TOPAZ1: variants seen among roughly 807,000 people sequenced by gnomAD.
TOPAZ1 encodes testis and ovary specific TOPAZ 1, also known as protein TOPAZ1.
A neutral mutation model predicts 172.2 loss-of-function variants in TOPAZ1; 66 were observed. The observed-to-expected ratio is 0.38, with a 90% CI of 0.31 to 0.47. TOPAZ1 has a LOEUF of 0.47. TOPAZ1 is among the 20% of genes least tolerant of loss of function. TOPAZ1 has a pLI of 0.99. For synonymous variants in TOPAZ1, 681 were observed against 683.9 expected (o/e 1.00, Z 0.07); for missense variants, 1,822 against 1,972.4 (o/e 0.92, Z 1.44).
chr3:44,314,299 G>A (rs1285343830), intron 16 of TOPAZ1, among the ~76,000 whole-genome samples: 3 of 152,050 alleles, frequency 2.0e-5, no homozygotes, highest in African/African-American at 4.8e-5. Flanking sequence ...GCCTGTTTAT[G>A]TTCTTGGTCT....
intron 11 of TOPAZ1, among the ~76,000 whole-genome samples, chr3:44,290,030 T>C (rs1312945473): frequency 6.6e-6 from 1 of 152,100 alleles, no homozygotes; most frequent in South Asian, 2.1e-4. Context: ...TTTGAAGTAT[T>C]ATGGAGGTAT....
Position 44,250,172 on chromosome 3 carries a change from A to C in TOPAZ1, c.2766-4796A>C, listed in dbSNP as rs1699613530. The stretch of plus-strand genomic sequence containing the variant: ...ACTTACTTTCTCAGAGTCTGACTTA[A>C]TCCCAGTTTGTTCCCCAAGAGAGGA... On this transcript the variant is annotated intron_variant, in intron 2 of 19. Transcript: ENST00000309765. Among the ~76,000 whole-genome samples the C allele has an allele frequency of 6.7e-5, 10 of 149,230 alleles. No homozygotes were observed. In the Admixed American group the frequency reaches 6.8e-4, roughly 10 times the overall value.
intron 5 of TOPAZ1, among the ~76,000 whole-genome samples, chr3:44,262,860 A>G (rs1455168784): frequency 6.6e-6 from 1 of 152,258 alleles, no homozygotes; most frequent in East Asian, 1.9e-4. Context: ...ACCCACTGGA[A>G]CATATAAAAC....
intron 5 of TOPAZ1, among the ~76,000 whole-genome samples, 194 bp from the exon 6 acceptor site, chr3:44,266,803 C>T (rs776070373): frequency 6.6e-6 from 1 of 151,934 alleles, no homozygotes; most frequent in South Asian, 2.1e-4. Flanking sequence ...GACACAGAGA[C>T]GTAAGTGAGC....
chr3:44,321,213 C>G (rs1422701778), intron 17 of TOPAZ1, 22 bp downstream of exon 17: 1 of 1,510,756 alleles, frequency 6.6e-7, no homozygotes, highest in Admixed American at 2.2e-5. Flanking sequence ...AAAAGTCTAT[C>G]TTAATTATCT....
At chr3:44,321,805 T>G (rs1368410505) in intron 17 of TOPAZ1, among the ~76,000 whole-genome samples, 1 of 152,210 alleles carries the variant, frequency 6.6e-6, no homozygotes, top group Non-Finnish European at 1.5e-5. Context: ...TAATGAGCAT[T>G]CTTATCTGTT....
intron 12 of TOPAZ1, among the ~76,000 whole-genome samples, chr3:44,303,556 T>A (rs938579857): frequency 2.6e-5 from 4 of 151,434 alleles, no homozygotes; most frequent in African/African-American, 7.3e-5. Context: ...TTTAAATCAA[T>A]GTTAGCTCTT....
intron 8 of TOPAZ1, among the ~76,000 whole-genome samples, chr3:44,277,684 A>G (rs1296599165): frequency 6.6e-6 from 1 of 152,128 alleles, no homozygotes; most frequent in Non-Finnish European, 1.5e-5. Flanking sequence ...GCCTGGTGGA[A>G]GGTGTTTGGG....
intron 4 of TOPAZ1, 136 bp downstream of exon 4, chr3:44,256,414 G>A (rs998921061): frequency 2.5e-6 from 2 of 788,812 alleles, no homozygotes; most frequent in African/African-American, 1.8e-5. Context: ...CTCTAGCCAT[G>A]GGATGTATCC....
chr3:44,294,026 AG>A (rs1452981196), intron 12 of TOPAZ1, among the ~76,000 whole-genome samples: 2 of 152,204 alleles, frequency 1.3e-5, no homozygotes, highest in Non-Finnish European at 2.9e-5. Flanking sequence ...GGATCACCTG[AG>A]GTTGGGAGTT....
chr3:44,255,623 G>A lies in TOPAZ1; in HGVS notation c.2828-528G>A, dbSNP rs182273969. Reference sequence around the variant, plus strand: ...GCCAAGATCACGCCACTGCACTCCAGCCTGGGCAACAGTGCGAGACTCTGT... The same window carrying A: ...GCCAAGATCACGCCACTGCACTCCAACCTGGGCAACAGTGCGAGACTCTGT... On this transcript the variant is annotated intron_variant, in intron 3 of 19. Coordinates refer to ENST00000309765, the MANE Select transcript of TOPAZ1 (RefSeq NM_001145030.2). Among the ~76,000 whole-genome samples, 1,238 of 136,382 alleles carry A rather than the reference G, an allele frequency of 9.1e-3. 22 individuals carry two copies. The highest frequency in any genetic ancestry group is 0.032 in the African/African-American group (1,195 of 37,776). The allele number at this position is 136,382 out of a possible 152,430, so 89.5% of individuals were successfully genotyped here.
chr3:44,269,335 CTCTT>C (rs978212660), intron 7 of TOPAZ1, 34 bp downstream of exon 7: 2 of 1,277,688 alleles, frequency 1.6e-6, no homozygotes, highest in African/African-American at 1.5e-5. Context: ...AATAATCTGT[CTCTT>C]TCTCCTCCCC....
At chr3:44,270,154 C>T (rs904443856) in intron 7 of TOPAZ1, among the ~76,000 whole-genome samples, 3 of 152,132 alleles carry the variant, frequency 2.0e-5, no homozygotes, top group Non-Finnish European at 2.9e-5. Flanking sequence ...TTGTAAAAAG[C>T]TTTAACTCTG....
rs1303680294 is a variant in TOPAZ1, at chr3:44,244,950, T to C, written c.2444T>C (p.Val815Ala). ...GCTTTTTCTTGTGATCCTGGGTATGTAGAGAAAAGTCCTTCCTTCTGCTGT... is the reference window on the plus strand; with the variant it reads ...GCTTTTTCTTGTGATCCTGGGTATGCAGAGAAAAGTCCTTCCTTCTGCTGT... ...NNAFSCDPGY[V>A]EKSPSFCCNE... is the part of the protein sequence containing the mutation. Residue 815 changes from valine to alanine, a missense_variant, in exon 2 of 20, where the codon GTA becomes GCA. Val to Ala is a moderately conservative substitution (Grantham distance 64, BLOSUM62 0). Coordinates refer to ENST00000309765, the MANE Select transcript of TOPAZ1 (RefSeq NM_001145030.2). 3.0e-5 allele frequency: 47 copies of C among 1,551,750 alleles called. No homozygotes were observed. Among genetic ancestry groups the C allele is most frequent in the Non-Finnish European group, 4.1e-5 (47 of 1,147,000 alleles).
Position 44,244,485 on chromosome 3 carries a change from A to T in TOPAZ1, c.1979A>T (p.His660Leu). The change falls in exon 2 of 20, where the codon CAT (histidine) becomes CTT (leucine). Residue 660 changes from histidine (H) to leucine (L), a missense_variant. By Grantham distance (99) the His-to-Leu change is moderately conservative. Around this residue, in one of 2 missense-constraint regions of TOPAZ1, gnomAD observed 1,489 missense variants for 1,490.8 expected, o/e 1.00. Transcript: ENST00000309765. ...AATAACTCTGCAGGCAAAACTATTCATCGAAAAGCATGCATTGCTCAACAA... is the reference window on the plus strand; with the variant it reads ...AATAACTCTGCAGGCAAAACTATTCTTCGAAAAGCATGCATTGCTCAACAA... The part of the protein sequence containing the change: ...EANNSAGKTI[H>L]RKACIAQQTF... 1 of 1,551,734 alleles carries T rather than the reference A, an allele frequency of 6.4e-7. No homozygotes were observed. Among genetic ancestry groups the T allele is most frequent in the Non-Finnish European group, 8.7e-7 (1 of 1,146,966 alleles).
chr3:44,255,293 A>G (rs1053433659), intron 3 of TOPAZ1, among the ~76,000 whole-genome samples: 4 of 152,066 alleles, frequency 2.6e-5, no homozygotes, highest in Admixed American at 1.3e-4. Flanking sequence ...AGTTTTTGTC[A>G]TCTTATTTTG....
rs1406234198 is a variant in TOPAZ1, at chr3:44,321,074, G to A, written c.4354G>A (p.Asp1452Asn). The A allele has an allele frequency of 6.4e-7, 1 of 1,550,506 alleles. No individual in the cohort carries two copies. The highest frequency in any genetic ancestry group is 2.5e-5 in the East Asian group (1 of 40,778). Reference protein sequence around the residue: ...NTPLWPCDRLDVLNRHNLLCT... With the variant: ...NTPLWPCDRLNVLNRHNLLCT... ...GCCTCTGTGGCCTTGTGATAGACTG[G>A]ATGTGCTTAATCGACATAATTTACT... is the stretch of plus-strand genomic sequence containing the variant. The change falls in exon 17 of 20, where the codon GAT becomes AAT. Residue 1452 changes from aspartate to asparagine, a missense_variant. Coordinates refer to ENST00000309765, the MANE Select transcript of TOPAZ1 (RefSeq NM_001145030.2).
chr3:44,301,801 T>A (rs747109098), intron 12 of TOPAZ1, among the ~76,000 whole-genome samples: 1 of 152,202 alleles, frequency 6.6e-6, no homozygotes, highest in Non-Finnish European at 1.5e-5. Flanking sequence ...TTTCTTCCAG[T>A]TTGTCAGTTG....
At chr3:44,261,343 A>C (rs1211252657) in intron 4 of TOPAZ1, among the ~76,000 whole-genome samples, 1 of 152,166 alleles carries the variant, frequency 6.6e-6, no homozygotes, top group African/African-American at 2.4e-5. Flanking sequence ...TGCATATGGG[A>C]AAAGAAGGAT....
Sources: gnomAD v4.1 joint callset for allele counts (sites outside exome capture counted in the v4.1 genomes callset) on GRCh38, gnomAD v4.1.1 for gene constraint, gnomAD v4.1.1 regional missense constraint, MANE v1.5 for transcripts, NCBI Gene and HGNC (gene_info 2026-07-23, HGNC 2026-07-21) for gene names.